JMJD1C: variants seen among roughly 807,000 people sequenced by gnomAD.
JMJD1C encodes jumonji domain-containing protein 1C.
A neutral mutation model predicts 245.3 loss-of-function variants in JMJD1C; 31 were observed. The ratio of observed to expected loss-of-function variants is 0.13; its 90% confidence interval spans 0.09 to 0.17. The LOEUF is 0.17. JMJD1C is among the 10% of genes least tolerant of loss of function. The pLI, the probability that JMJD1C is intolerant of heterozygous loss-of-function variation, is 1.00. For missense variants in JMJD1C, 2,691 were observed against 3,000.2 expected, an observed-to-expected ratio of 0.90 and a Z score of 2.41; for synonymous variants, 1,057 against 1,017.4, an observed-to-expected ratio of 1.04 and a Z score of -0.74.
At chr10:63,444,444 T>C (rs1411884830) in intron 1 of JMJD1C, among the ~76,000 whole-genome samples, 1 of 151,858 alleles carries the variant, frequency 6.6e-6, no homozygotes. Context: ...CATCTAATTT[T>C]TGTATTTTTA....
rs1855291756 is a variant in JMJD1C at position 63,264,556 on chromosome 10, G to A, written c.447+95C>T. 1.1e-5 allele frequency: 7 copies of A among 611,698 alleles called. No homozygotes were observed. The South Asian group carries it at 1.5e-4, about 13-fold the overall frequency. 37.9% of individuals were successfully genotyped at this position (611,698 alleles called of 1,614,324 possible). On this transcript the variant is annotated intron_variant, in intron 3 of 25. Coordinates refer to ENST00000399262, the MANE Select transcript of JMJD1C (RefSeq NM_032776.3). ...TTTTTCACACAACTAGAAGTTAGAT[G>A]AAATGATATTTAAAGAATATTGTTT...
intron 1 of JMJD1C, among the ~76,000 whole-genome samples, chr10:63,495,030 T>C (rs563402811): frequency 6.6e-6 from 1 of 152,294 alleles, no homozygotes; most frequent in South Asian, 2.1e-4. Context: ...TGCTGTACTT[T>C]AATTAACAAA....
At chr10:63,288,792 T>A (rs749580215) in intron 2 of JMJD1C, among the ~76,000 whole-genome samples, 1 of 151,752 alleles carries the variant, frequency 6.6e-6, no homozygotes, top group Non-Finnish European at 1.5e-5. Flanking sequence ...GGCATAAGAA[T>A]TGCTTGAACC....
chr10:63,215,172 G>C (rs764183253), intron 7 of JMJD1C, 21 bp from the exon 8 acceptor site: 6 of 1,512,538 alleles, frequency 4.0e-6, no homozygotes, highest in Non-Finnish European at 5.4e-6. Context: ...AAAGAAAGAA[G>C]AGTCTTATTT....
intron 2 of JMJD1C, among the ~76,000 whole-genome samples, chr10:63,300,628 A>T (rs72831027): frequency 6.6e-6 from 1 of 151,834 alleles, no homozygotes; most frequent in Non-Finnish European, 1.5e-5. Flanking sequence ...GTGGTGGCTC[A>T]CTTCTGAAAT....
intron 1 of JMJD1C, among the ~76,000 whole-genome samples, chr10:63,437,492 C>G (rs899844316): frequency 6.6e-6 from 1 of 152,174 alleles, no homozygotes; most frequent in Non-Finnish European, 1.5e-5. Context: ...AATTCTACTA[C>G]TACCTAAAGA....
At chr10:63,176,567 T>A (rs1842873837) in intron 23 of JMJD1C, 94 bp from the exon 24 acceptor site, 1 of 914,496 alleles carries the variant, frequency 1.1e-6, no homozygotes, top group Admixed American at 2.6e-5. Flanking sequence ...ATAACAAATC[T>A]TTTCTTCTCA....
At chr10:63,332,275 A>G (rs1407203646) in intron 2 of JMJD1C, among the ~76,000 whole-genome samples, 5 of 152,214 alleles carry the variant, frequency 3.3e-5, no homozygotes, top group Non-Finnish European at 5.9e-5. Flanking sequence ...ATAAGCCACC[A>G]TATGTGTCAC....
chr10:63,483,838 T>G (rs1428027265), intron 1 of JMJD1C, among the ~76,000 whole-genome samples: 4 of 152,220 alleles, frequency 2.6e-5, no homozygotes, highest in African/African-American at 9.6e-5. Flanking sequence ...CTTTCTTCAT[T>G]AGGATTAAAA....
Position 63,221,784 on chromosome 10 carries a change from C to T in JMJD1C, c.448-1801G>A, listed in dbSNP as rs145083495. On this transcript the variant is annotated intron_variant, in intron 3 of 25. Coordinates refer to ENST00000399262, the MANE Select transcript of JMJD1C (RefSeq NM_032776.3). Reference sequence around the variant, plus strand: ...TTGCCCAGGCTGGAGTGCAATGGCACGATCTCGGCTTACTGCAACCTCCAC... The same window carrying T: ...TTGCCCAGGCTGGAGTGCAATGGCATGATCTCGGCTTACTGCAACCTCCAC... Among the ~76,000 whole-genome samples the T allele has an allele frequency of 3.2e-3, 493 of 152,328 alleles. 3 individuals are homozygous for T. Among genetic ancestry groups the T allele is most frequent in the African/African-American group, 0.011 (476 of 41,568 alleles).
At chr10:63,466,011 C>T (rs1953247868), upstream of JMJD1C, 2 of 257,216 alleles carry the variant, frequency 7.8e-6, no homozygotes, top group South Asian at 5.8e-5. Flanking sequence ...CGGCGGCGCG[C>T]AGCGCGTCTC....
intron 1 of JMJD1C, among the ~76,000 whole-genome samples, chr10:63,497,089 AATGTT>A (rs1954388070): frequency 6.6e-6 from 1 of 152,182 alleles, no homozygotes; most frequent in Non-Finnish European, 1.5e-5. Context: ...GAATGAGAGA[AATGTT>A]ATATTATTCA....
intron 1 of JMJD1C, among the ~76,000 whole-genome samples, chr10:63,486,134 T>G (rs1953985580): frequency 2.2e-5 from 2 of 92,152 alleles, no homozygotes; most frequent in South Asian, 3.3e-4. Context: ...CTTCAAGCAA[T>G]TGTAAAAAAA....
At chr10:63,194,745 A>G in intron 13 of JMJD1C, 1 of 185,702 alleles carries the variant, frequency 5.4e-6, no homozygotes, top group Admixed American at 5.4e-5. Context: ...ATCCTAGTAC[A>G]TCAGACTGAC....
At position 63,390,756 on chromosome 10, in the gene JMJD1C, C is replaced by T. The variant is rs368687998; in HGVS notation, c.169-10274G>A. 7.2e-5 allele frequency among the ~76,000 whole-genome samples: 11 copies of T among 152,270 alleles called. No individual in the cohort carries two copies. In the South Asian group the frequency reaches 1.2e-3, roughly 17 times the overall value. On this transcript the variant is annotated intron_variant, in intron 1 of 25. Transcript: ENST00000399262. ...ATGTAAATCGACAGTCATGAATCAT[C>T]TTAATAGGCACAGAAGAAGTATTTG...
At chr10:63,492,911 C>A (rs558700793) in intron 1 of JMJD1C, among the ~76,000 whole-genome samples, 14 of 152,254 alleles carry the variant, frequency 9.2e-5, no homozygotes, top group African/African-American at 3.4e-4. Flanking sequence ...AACTTAAAGT[C>A]TACACTCTTA....
intron 1 of JMJD1C, among the ~76,000 whole-genome samples, chr10:63,383,465 C>CGT (rs1417585640): frequency 6.6e-6 from 1 of 152,080 alleles, no homozygotes; most frequent in Non-Finnish European, 1.5e-5. Flanking sequence ...TTGGGAGACA[C>CGT]AGGTGGGAGG....
chr10:63,204,043 A>G, intron 10 of JMJD1C: 1 of 933,382 alleles, frequency 1.1e-6, no homozygotes, highest in Non-Finnish European at 1.3e-6. Context: ...TGAGCCCAGG[A>G]GTTGGAGGCT....
At chr10:63,169,669 T>C (rs1449048039) in intron 24 of JMJD1C, among the ~76,000 whole-genome samples, 3 of 152,162 alleles carry the variant, frequency 2.0e-5, no homozygotes, top group Admixed American at 6.5e-5. Context: ...TGTGCCTCTA[T>C]TGATAACTTG....
Sources: gnomAD v4.1 joint callset for allele counts (sites outside exome capture counted in the v4.1 genomes callset) on GRCh38, gnomAD v4.1.1 for gene constraint, MANE v1.5 for transcripts, NCBI Gene and HGNC (gene_info 2026-07-23, HGNC 2026-07-21) for gene names.